TBX19: variants seen among roughly 807,000 people sequenced by gnomAD.
The protein encoded by TBX19 is T-box transcription factor TBX19.
In TBX19, 33 loss-of-function variants were observed where a neutral mutation model predicts 40.9. The observed-to-expected ratio is 0.81, with a 90% CI of 0.61 to 1.08. TBX19 has a LOEUF of 1.08. Among genes scored for constraint, TBX19 ranks in the 50% least tolerant of loss-of-function variants. The pLI is 0.00. For missense variants in TBX19, 494 were observed against 574.0 expected (o/e 0.86, Z 1.42); for synonymous variants, 220 against 225.0 (o/e 0.98, Z 0.20).
intron 6 of TBX19, 87 bp downstream of exon 6, chr1:168,305,283 T>A: frequency 7.9e-7 from 1 of 1,272,998 alleles, no homozygotes; most frequent in Non-Finnish European, 1.1e-6. Context: ...GGAAAAGGAG[T>A]AGCTAAAGAT....
Position 168,293,219 on chromosome 1 carries a change from A to G in TBX19, c.544A>G (p.Thr182Ala). Residue 182 changes from threonine to alanine, a missense_variant, in exon 3 of 8, where the codon ACA (threonine) becomes GCA (alanine). By Grantham distance (58) the Thr-to-Ala change is moderately conservative (BLOSUM62 0). Around this residue, in one of 3 missense-constraint regions of TBX19, gnomAD observed 201 missense variants for 235.2 expected, o/e 0.85. Transcript: ENST00000367821. Reference protein sequence around the residue: ...VRVGSAHRMVTNCSFPETQFI... With the variant: ...VRVGSAHRMVANCSFPETQFI... ...TGTTGGAAGTGCCCATCGAATGGTAACAAACTGCTCCTTCCCTGAAACCCA... is the reference window on the plus strand; with the variant it reads ...TGTTGGAAGTGCCCATCGAATGGTAGCAAACTGCTCCTTCCCTGAAACCCA... The G allele has an allele frequency of 6.2e-7, 1 of 1,613,934 alleles. No homozygotes were observed. Among genetic ancestry groups the G allele is most frequent in the Non-Finnish European group, 8.5e-7 (1 of 1,179,932 alleles).
intron 4 of TBX19, among the ~76,000 whole-genome samples, chr1:168,299,274 T>C (rs915848677): frequency 4.6e-5 from 7 of 152,092 alleles, no homozygotes; most frequent in Admixed American, 3.3e-4. Context: ...TCACTGACTT[T>C]TTAATTGACA....
intron 1 of TBX19, among the ~76,000 whole-genome samples, chr1:168,283,426 A>G (rs1237579792): frequency 2.6e-5 from 4 of 152,236 alleles, no homozygotes; most frequent in African/African-American, 4.8e-5. Context: ...AGACAAGTCC[A>G]TAAGAAATTG....
chr1:168,287,929 T>C (rs1162673255), intron 1 of TBX19, among the ~76,000 whole-genome samples: 1 of 151,528 alleles, frequency 6.6e-6, no homozygotes, highest in Non-Finnish European at 1.5e-5. Flanking sequence ...GAATGAAATG[T>C]AATGTGTGCT....
chr1:168,298,837 T>TCCCCC (rs1649191860), intron 4 of TBX19, among the ~76,000 whole-genome samples: 1 of 15,744 alleles, frequency 6.4e-5, no homozygotes, highest in Non-Finnish European at 1.2e-4. Flanking sequence ...CTTTCTTTCT[T>TCCCCC]TCTTTCTTTC....
intron 1 of TBX19, among the ~76,000 whole-genome samples, chr1:168,285,261 TCACACACACACACACA>T (rs36217752): frequency 6.8e-6 from 1 of 148,062 alleles, no homozygotes; most frequent in Admixed American, 6.8e-5. Flanking sequence ...ACCATGTATG[TCACACACACACACACA>T]CACACACACA....
At chr1:168,295,127 C>T (rs1572477169) in intron 3 of TBX19, among the ~76,000 whole-genome samples, 1 of 152,178 alleles carries the variant, frequency 6.6e-6, no homozygotes, top group African/African-American at 2.4e-5. Flanking sequence ...CCCGTCTCCA[C>T]TAAAAATACA....
At chr1:168,289,304 C>T (rs115212907) in intron 1 of TBX19, among the ~76,000 whole-genome samples, 4,946 of 152,014 alleles carry the variant, frequency 0.033, 156 homozygotes, top group African/African-American at 0.077. Flanking sequence ...TAAAATATAT[C>T]GTAAAAGGGA....
chr1:168,292,938 A>G (rs1389267050), intron 2 of TBX19, among the ~76,000 whole-genome samples: 1 of 151,390 alleles, frequency 6.6e-6, no homozygotes, highest in Non-Finnish European at 1.5e-5. Context: ...AAAGGCTTCA[A>G]TGTTATGCTT....
chr1:168,312,877 C>G lies in TBX19; in HGVS notation c.1222C>G (p.Leu408Val). 6.2e-7 allele frequency: 1 copy of G among 1,614,254 alleles called. No homozygotes were observed. The change falls in exon 8 of 8, where the codon CTG becomes GTG. Residue 408 changes from leucine (L) to valine (V), a missense_variant. Transcript: ENST00000367821. ...ACCCACTTCGGCTGGTGTGGAGGTT[C>G]TGGGGGAGCCCTCGCTAACCAGCAT... ...QAPTSAGVEV[L>V]GEPSLTSIAV... is the part of the protein sequence containing the mutation.
At position 168,293,099 on chromosome 1, in the gene TBX19, A is replaced by G. The variant is rs375603975; in HGVS notation, c.469-45A>G. On this transcript the variant is annotated intron_variant, in intron 2 of 7. Coordinates refer to ENST00000367821, the MANE Select transcript of TBX19 (RefSeq NM_005149.3). The stretch of plus-strand genomic sequence containing the variant: ...CTGGCTCCTTTATCACCTGCGATAC[A>G]CGGGGCTTTGCTTTTCTCCTCTTTC... 23 of 1,610,228 alleles carry G rather than the reference A, an allele frequency of 1.4e-5. No individual in the cohort carries two copies. In the East Asian group the frequency reaches 3.8e-4, roughly 27 times the overall value.
intron 3 of TBX19, among the ~76,000 whole-genome samples, chr1:168,293,822 G>A (rs1327186009): frequency 6.6e-6 from 1 of 152,184 alleles, no homozygotes; most frequent in Non-Finnish European, 1.5e-5. Flanking sequence ...TGGCCTGTCT[G>A]TGAGCTGCTT....
Position 168,312,991 on chromosome 1 carries a change from C to T in TBX19, c.1336C>T (p.Leu446=). 1 of 1,614,200 alleles carries T rather than the reference C, an allele frequency of 6.2e-7. No individual in the cohort carries two copies. The highest frequency in any genetic ancestry group is 8.5e-7 in the Non-Finnish European group (1 of 1,180,034). ...GGGTGGGCACCATTCTCCTTCCTCACTGGATGGTTAAGCAGGATCCTAGGA... is the reference window on the plus strand; with the variant it reads ...GGGTGGGCACCATTCTCCTTCCTCATTGGATGGTTAAGCAGGATCCTAGGA... ...GAGGHHSPSS[L]DG Residue 446 remains leucine (L), a synonymous_variant, in exon 8 of 8, where the codon CTG becomes TTG. Transcript: ENST00000367821.
At chr1:168,304,243 C>A (rs923752520) in intron 5 of TBX19, among the ~76,000 whole-genome samples, 1 of 152,188 alleles carries the variant, frequency 6.6e-6, no homozygotes, top group South Asian at 2.1e-4. Flanking sequence ...GGTTAGGTTA[C>A]CTTTTTCAGA....
At chr1:168,306,097 T>C (rs908430046) in intron 6 of TBX19, among the ~76,000 whole-genome samples, 9 of 152,280 alleles carry the variant, frequency 5.9e-5, no homozygotes, top group African/African-American at 2.2e-4. Context: ...AGCTCTGCAT[T>C]TGTAGAGGGT....
At chr1:168,298,903 C>T (rs1649198428) in intron 4 of TBX19, among the ~76,000 whole-genome samples, 1 of 135,008 alleles carries the variant, frequency 7.4e-6, no homozygotes, top group African/African-American at 2.8e-5. Flanking sequence ...TTCTTTCTCT[C>T]TCTCTCTCTT....
intron 7 of TBX19, among the ~76,000 whole-genome samples, chr1:168,311,109 G>A (rs1649509960): frequency 6.6e-6 from 1 of 151,964 alleles, no homozygotes; most frequent in East Asian, 1.9e-4. Flanking sequence ...GAGGATCTGA[G>A]GGAAAAACAT....
intron 4 of TBX19, among the ~76,000 whole-genome samples, chr1:168,298,849 T>C (rs373701233): frequency 0.01 from 894 of 85,238 alleles, 159 homozygotes; most frequent in African/African-American, 0.04. Flanking sequence ...CTTTCTTTCT[T>C]TCTTTCTTTC....
At chr1:168,308,416 C>T (rs1297333756) in intron 6 of TBX19, 3 of 367,280 alleles carry the variant, frequency 8.2e-6, no homozygotes, top group Non-Finnish European at 1.6e-5. Flanking sequence ...ATGGTCCCTT[C>T]TTAAAAGAGA....
Sources: allele counts gnomAD v4.1 joint callset (sites outside exome capture counted in the v4.1 genomes callset), GRCh38; gene constraint gnomAD v4.1.1; regional missense constraint gnomAD v4.1.1; transcripts MANE v1.5; gene names NCBI Gene and HGNC (gene_info 2026-07-23, HGNC 2026-07-21).